Variants in LEPR observed in about 807,000 individuals in gnomAD.
The protein encoded by LEPR is leptin receptor, also known as OB receptor.
LEPR carries 56 observed loss-of-function variants against 114.7 expected under a neutral mutation model. The ratio of observed to expected loss-of-function variants is 0.49; its 90% CI spans 0.39 to 0.61. LEPR has a LOEUF of 0.61. Among genes scored for constraint, LEPR ranks in the 20% least tolerant of loss-of-function variants. LEPR has a pLI of 0.00. For synonymous variants in LEPR, 443 were observed against 461.4 expected (o/e 0.96, Z 0.51); for missense variants, 1,202 against 1,352.9 (o/e 0.89, Z 1.75).
chr1:65,444,970 T>G (rs1480971773), intron 2 of LEPR, among the ~76,000 whole-genome samples: 1 of 152,120 alleles, frequency 6.6e-6, no homozygotes, highest in Non-Finnish European at 1.5e-5. Context: ...CAGACCCAAG[T>G]TTTTTGACTT....
At chr1:65,613,281 G>A (rs1266305212) in intron 14 of LEPR, among the ~76,000 whole-genome samples, 2 of 151,898 alleles carry the variant, frequency 1.3e-5, no homozygotes, top group East Asian at 3.9e-4. Flanking sequence ...CCGTCATTGT[G>A]GGGTTTTTTA....
At chr1:65,623,067 A>T in intron 19 of LEPR, 86 bp downstream of exon 19, 1 of 1,275,506 alleles carries the variant, frequency 7.8e-7, no homozygotes, top group Non-Finnish European at 1.1e-6. Context: ...AGCATTTTTA[A>T]GATTTAAAAG....
chr1:65,462,595 A>T (rs1036370661), intron 2 of LEPR, among the ~76,000 whole-genome samples: 1 of 152,204 alleles, frequency 6.6e-6, no homozygotes, highest in African/African-American at 2.4e-5. Flanking sequence ...ACAATGGTTG[A>T]ACTAATTTAC....
chr1:65,525,727 C>A (rs1004336627), intron 2 of LEPR: 2 of 986,046 alleles, frequency 2.0e-6, no homozygotes. Context: ...CATCGCAGAG[C>A]CCACGGCCAG....
Position 65,601,645 on chromosome 1 carries a change from T to C in LEPR, c.1248T>C (p.His416=). ...ATGCAGTGTACTGCTGCAATGAACATGAATGCCATCATCGCTATGCTGAAT... is the reference window on the plus strand; with the variant it reads ...ATGCAGTGTACTGCTGCAATGAACACGAATGCCATCATCGCTATGCTGAAT... The part of the protein sequence containing the change: ...TYDAVYCCNE[H]ECHHRYAELY... The change falls in exon 9 of 20, where the codon CAT becomes CAC. Residue 416 remains histidine (H), a synonymous_variant. Transcript: ENST00000349533. 1 of 1,613,720 alleles carries C rather than the reference T, an allele frequency of 6.2e-7. No homozygotes were observed. The highest frequency in any genetic ancestry group is 1.3e-5 in the African/African-American group (1 of 75,038).
chr1:65,449,377 G>C (rs1646752740), intron 2 of LEPR, among the ~76,000 whole-genome samples: 1 of 151,800 alleles, frequency 6.6e-6, no homozygotes, highest in African/African-American at 2.4e-5. Flanking sequence ...CTGAGGGCAA[G>C]GGCTAAGCCT....
chr1:65,495,145 ATGTT>A (rs1446905416), intron 2 of LEPR, among the ~76,000 whole-genome samples: 1 of 152,168 alleles, frequency 6.6e-6, no homozygotes, highest in Admixed American at 6.6e-5. Flanking sequence ...ATAGGAGAAA[ATGTT>A]TGCAACCTAT....
At chr1:65,502,878 G>T (rs564417931) in intron 2 of LEPR, among the ~76,000 whole-genome samples, 1 of 151,844 alleles carries the variant, frequency 6.6e-6, no homozygotes, top group Non-Finnish European at 1.5e-5. Flanking sequence ...AGAGAGAATG[G>T]GGGTGGGGGA....
chr1:65,518,907 T>TTCTTTCTTTCTTTCTTTCTTTCTTTC (rs1557636310), intron 2 of LEPR, among the ~76,000 whole-genome samples: 10 of 119,134 alleles, frequency 8.4e-5, no homozygotes, highest in Admixed American at 1.7e-4. Flanking sequence ...CTTTCTTTCT[T>TTCTTTCTTTCTTTCTTTCTTTCTTTC]TCTTTCTTTC....
intron 2 of LEPR, among the ~76,000 whole-genome samples, chr1:65,446,893 A>G (rs1172693367): frequency 2.0e-5 from 3 of 152,044 alleles, no homozygotes; most frequent in South Asian, 2.1e-4. Context: ...GTGCAGTGGC[A>G]CAATCATGGC....
chr1:65,558,410 C>CT, intron 2 of LEPR, among the ~76,000 whole-genome samples: 1 of 148,920 alleles, frequency 6.7e-6, no homozygotes, highest in South Asian at 2.1e-4. Context: ...TAAACAAACA[C>CT]TTTTTTCCAT....
At chr1:65,426,252 G>A (rs1182392905) in intron 2 of LEPR, among the ~76,000 whole-genome samples, 1 of 134,164 alleles carries the variant, frequency 7.5e-6, no homozygotes, top group Non-Finnish European at 1.5e-5. Flanking sequence ...AGTGTATATA[G>A]CCTTTTCAGG....
intron 2 of LEPR, among the ~76,000 whole-genome samples, chr1:65,517,365 A>C (rs1269351674): frequency 6.6e-6 from 1 of 152,230 alleles, no homozygotes; most frequent in Non-Finnish European, 1.5e-5. Flanking sequence ...TTTAAGTGAT[A>C]ATCTGCATCA....
At chr1:65,572,273 T>G in intron 4 of LEPR, 53 bp from the exon 5 acceptor site, 35 of 1,477,722 alleles carry the variant, frequency 2.4e-5, no homozygotes, top group Non-Finnish European at 2.8e-5. Flanking sequence ...AGATGGTTTT[T>G]GAGATTTCAT....
intron 16 of LEPR, among the ~76,000 whole-genome samples, chr1:65,619,410 G>A (rs1048811143): frequency 6.6e-6 from 1 of 152,038 alleles, no homozygotes; most frequent in Admixed American, 6.6e-5. Flanking sequence ...CATTTTCCAT[G>A]GATCAAAATC....
chr1:65,605,865 T>C (rs1294487136), intron 11 of LEPR, among the ~76,000 whole-genome samples: 3 of 152,220 alleles, frequency 2.0e-5, no homozygotes, highest in Admixed American at 6.5e-5. Flanking sequence ...CAAAAATATC[T>C]TTTGGTGCTG....
At chr1:65,429,898 C>T in intron 2 of LEPR, 1 of 1,521,036 alleles carries the variant, frequency 6.6e-7, no homozygotes, top group Non-Finnish European at 8.9e-7. Context: ...TTTTCCACGC[C>T]ATCTCCCCCA....
intron 14 of LEPR, among the ~76,000 whole-genome samples, chr1:65,614,836 C>T (rs1657427699): frequency 1.3e-5 from 2 of 152,046 alleles, no homozygotes; most frequent in South Asian, 2.1e-4. Context: ...AAGACATGTG[C>T]CCAGACTTGT....
rs779392265 is a variant in LEPR at position 65,572,446 on chromosome 1, T to G, written c.491T>G (p.Val164Gly). The change falls in exon 5 of 20, where the codon GTT (valine) becomes GGT (glycine). Residue 164 changes from valine (V) to glycine (G), a missense_variant. By Grantham distance (109) the Val-to-Gly change is moderately radical. Transcript: ENST00000349533. ...NYNYKVHLLY[V>G]LPEVLEDSPL... is the part of the protein sequence containing the mutation. The stretch of plus-strand genomic sequence containing the variant: ...AACTATAAGGTCCATCTTTTATATG[T>G]TCTGTAAGTACCAAATAATTAATTT... The G allele has an allele frequency of 1.3e-6, 2 of 1,593,326 alleles. No individual in the cohort carries two copies. Among genetic ancestry groups the G allele is most frequent in the Non-Finnish European group, 1.7e-6 (2 of 1,165,160 alleles).
Sources: allele counts gnomAD v4.1 joint callset (sites outside exome capture counted in the v4.1 genomes callset), GRCh38; gene constraint gnomAD v4.1.1; transcripts MANE v1.5; gene names NCBI Gene and HGNC (gene_info 2026-07-23, HGNC 2026-07-21).